Variants in CNTN4 observed in about 807,000 individuals in gnomAD.
CNTN4 encodes the protein contactin-4.
Under a neutral mutation model 122.5 loss-of-function variants are expected in CNTN4, and 77 were observed. The ratio of observed to expected loss-of-function variants is 0.63; its 90% CI spans 0.52 to 0.76. CNTN4 has a LOEUF of 0.76. Ranked by LOEUF, CNTN4 falls within the 30% of genes least tolerant of loss-of-function variation. CNTN4 has a pLI of 0.00. For synonymous variants in CNTN4, 512 were observed against 447.0 expected (o/e 1.15, Z -1.83); for missense variants, 1,256 against 1,259.1 (o/e 1.00, Z 0.04).
chr3:2,391,458 A>T (rs2046439411), intron 3 of CNTN4, among the ~76,000 whole-genome samples: 1 of 152,182 alleles, frequency 6.6e-6, no homozygotes, highest in Admixed American at 6.5e-5. Flanking sequence ...TTGGTATTAT[A>T]TGAAGAATAC....
chr3:2,684,800 T>G (rs2085346955), intron 4 of CNTN4, among the ~76,000 whole-genome samples: 1 of 152,202 alleles, frequency 6.6e-6, no homozygotes, highest in African/African-American at 2.4e-5. Flanking sequence ...CCCATGTTGT[T>G]TTGTTGTAAT....
Position 2,375,859 on chromosome 3 carries a change from G to C in CNTN4, c.-89+36626G>C, listed in dbSNP as rs1317046427. Among the ~76,000 whole-genome samples the C allele has an allele frequency of 4.6e-5, 7 of 151,750 alleles. No individual in the cohort carries two copies. In the South Asian group the frequency reaches 1.5e-3, roughly 32 times the overall value. On this transcript the variant is annotated intron_variant, in intron 3 of 24. Transcript: ENST00000418658. ...TTGCTTGAAAATGTTAAATGCCTTG[G>C]TTTTGGTCCAGATGTTCAACTTGCC...
At chr3:2,276,429 C>T (rs1288785663) in intron 2 of CNTN4, among the ~76,000 whole-genome samples, 4 of 152,148 alleles carry the variant, frequency 2.6e-5, no homozygotes, top group African/African-American at 9.7e-5. Context: ...CTGCCTCTGC[C>T]TCCCAAAGTG....
At chr3:2,145,268 T>G (rs963779039) in intron 2 of CNTN4, among the ~76,000 whole-genome samples, 2 of 152,204 alleles carry the variant, frequency 1.3e-5, no homozygotes, top group African/African-American at 2.4e-5. Context: ...CACTGTTAAA[T>G]GATTCTTTAT....
Position 2,376,192 on chromosome 3 carries a change from A to G in CNTN4, c.-89+36959A>G, listed in dbSNP as rs187537526. 8.2e-4 allele frequency among the ~76,000 whole-genome samples: 125 copies of G among 152,314 alleles called. No homozygotes were observed. In the Middle Eastern group the frequency reaches 0.01, roughly 12 times the overall value. On this transcript the variant is annotated intron_variant, in intron 3 of 24. Coordinates refer to ENST00000418658, the MANE Select transcript of CNTN4 (RefSeq NM_175607.3). ...CTCCACTATAAATTTGAAGACACCC[A>G]TAATCCATGTATCAGGCAGAAAATG... is the stretch of plus-strand genomic sequence containing the variant.
chr3:2,476,973 C>T (rs983946499), intron 3 of CNTN4, among the ~76,000 whole-genome samples: 3 of 152,060 alleles, frequency 2.0e-5, no homozygotes, highest in African/African-American at 4.8e-5. Flanking sequence ...TTTTGGATGA[C>T]AACATGCTTT....
chr3:3,016,606 A>T (rs760028061), intron 14 of CNTN4, among the ~76,000 whole-genome samples: 18 of 152,172 alleles, frequency 1.2e-4, no homozygotes, highest in Non-Finnish European at 2.1e-4. Flanking sequence ...ACCAAGTTAG[A>T]GACTTGGGAG....
intron 3 of CNTN4, among the ~76,000 whole-genome samples, chr3:2,541,752 G>A (rs990915377): frequency 2.0e-5 from 3 of 152,104 alleles, no homozygotes; most frequent in African/African-American, 7.2e-5. Flanking sequence ...AGACCGCCAA[G>A]GGCAAAAATA....
At chr3:2,898,062 C>G (rs764232145) in intron 10 of CNTN4, among the ~76,000 whole-genome samples, 7 of 152,138 alleles carry the variant, frequency 4.6e-5, no homozygotes, top group Middle Eastern at 3.2e-3. Context: ...AAGCACATGA[C>G]TTCATTTATT....
intron 3 of CNTN4, among the ~76,000 whole-genome samples, chr3:2,463,327 C>G (rs552868219): frequency 6.6e-6 from 1 of 152,254 alleles, no homozygotes; most frequent in Admixed American, 6.5e-5. Context: ...GTGTCCCAGG[C>G]TGAAATAAAA....
rs530268960 is a variant in CNTN4, at chr3:2,218,514, A to C, written c.-145+117875A>C. 1.6e-4 allele frequency among the ~76,000 whole-genome samples: 24 copies of C among 152,304 alleles called. No individual in the cohort carries two copies. In the South Asian group the frequency reaches 5.0e-3, roughly 32 times the overall value. Reference sequence around the variant, plus strand: ...TCACCACATGCCATCCAACCTGGGCAATATAGTGAGAATCCATATATTAAA... The same window carrying C: ...TCACCACATGCCATCCAACCTGGGCCATATAGTGAGAATCCATATATTAAA... On this transcript the variant is annotated intron_variant, in intron 2 of 24. Coordinates refer to ENST00000418658, the MANE Select transcript of CNTN4 (RefSeq NM_175607.3).
In CNTN4 at chr3:3,057,232, C is replaced by T. The variant is rs976926327; in HGVS notation, c.*1012C>T. 3 of 152,378 alleles carry T rather than the reference C, an allele frequency of 2.0e-5. No individual in the cohort carries two copies. Among genetic ancestry groups the T allele is most frequent in the African/African-American group, 7.3e-5 (3 of 41,354 alleles). 9.4% of individuals were successfully genotyped at this position (152,378 alleles called of 1,614,324 possible). A position where few individuals can be genotyped will look rare whatever the true frequency, so the allele number is the denominator to read the frequency against. On this transcript the variant is annotated 3_prime_UTR_variant, in exon 25 of 25. Coordinates refer to ENST00000418658, the MANE Select transcript of CNTN4 (RefSeq NM_175607.3). Reference sequence around the variant, plus strand: ...ATGTGTATCTCTGTAATAATAGAGCCCTTCTTTTGAATCAAAATTACATAT... The same window carrying T: ...ATGTGTATCTCTGTAATAATAGAGCTCTTCTTTTGAATCAAAATTACATAT...
chr3:2,870,979 C>A lies in CNTN4; in HGVS notation c.652+4030C>A, dbSNP rs78908715. On this transcript the variant is annotated intron_variant, in intron 8 of 24. Transcript: ENST00000418658. Reference sequence around the variant, plus strand: ...CTGACCATTTACCACTCACCCGAGTCCTGCAAAACCCTGGGGCTCCCTGTT... The same window carrying A: ...CTGACCATTTACCACTCACCCGAGTACTGCAAAACCCTGGGGCTCCCTGTT... Among the ~76,000 whole-genome samples the A allele has an allele frequency of 6.5e-3, 984 of 152,262 alleles. 12 individuals carry two copies. Among genetic ancestry groups the A allele is most frequent in the African/African-American group, 0.021 (872 of 41,540 alleles).
At position 3,001,124 on chromosome 3, in the gene CNTN4, G is replaced by A. The variant is rs540417824; in HGVS notation, c.1486+12652G>A. ...TTGAGAAGTAAGTTGAGGCAGTTGG[G>A]CAGATGAAAATCAAATGTCAGCTTT... On this transcript the variant is annotated intron_variant, in intron 14 of 24. Transcript: ENST00000418658. Among the ~76,000 whole-genome samples, 6 of 152,232 alleles carry A rather than the reference G, an allele frequency of 3.9e-5. No homozygotes were observed. The East Asian group carries it at 1.2e-3, about 29-fold the overall frequency.
chr3:2,192,149 T>G (rs1287670272), intron 2 of CNTN4, among the ~76,000 whole-genome samples: 3 of 152,094 alleles, frequency 2.0e-5, no homozygotes, highest in Non-Finnish European at 1.5e-5. Flanking sequence ...TTTGGGTTGG[T>G]TCCAAGTCTT....
chr3:2,423,069 G>A (rs2047672547), intron 3 of CNTN4, among the ~76,000 whole-genome samples: 1 of 152,164 alleles, frequency 6.6e-6, no homozygotes, highest in African/African-American at 2.4e-5. Context: ...AACTTAGAAT[G>A]AACTTCAACA....
intron 10 of CNTN4, among the ~76,000 whole-genome samples, chr3:2,897,561 T>A (rs749795465): frequency 1.3e-5 from 2 of 152,090 alleles, no homozygotes; most frequent in Non-Finnish European, 2.9e-5. Context: ...GGACCAGAAG[T>A]GTTTCAGATT....
At chr3:2,178,544 A>G (rs969607161) in intron 2 of CNTN4, among the ~76,000 whole-genome samples, 1 of 152,116 alleles carries the variant, frequency 6.6e-6, no homozygotes, top group African/African-American at 2.4e-5. Flanking sequence ...GCTTGAATCA[A>G]TGATTAAATA....
intron 23 of CNTN4, among the ~76,000 whole-genome samples, chr3:3,048,367 G>T (rs1177768162): frequency 1.3e-5 from 2 of 152,130 alleles, no homozygotes; most frequent in Non-Finnish European, 1.5e-5. Context: ...TATACGGAAA[G>T]ATATGCTTAG....
Sources: gnomAD v4.1 joint callset for allele counts (sites outside exome capture counted in the v4.1 genomes callset) on GRCh38, gnomAD v4.1.1 for gene constraint, MANE v1.5 for transcripts, NCBI Gene and HGNC (gene_info 2026-07-23, HGNC 2026-07-21) for gene names.